SCN1A: variants seen among roughly 807,000 people sequenced by gnomAD.
SCN1A encodes sodium channel protein type 1 subunit alpha.
SCN1A carries 13 observed loss-of-function variants against 193.7 expected under a neutral mutation model. The observed-to-expected ratio is 0.07, with a 90% CI of 0.04 to 0.11. The LOEUF (loss-of-function observed/expected upper bound fraction) is 0.11, where lower values mean the gene tolerates loss of function less well. Among genes scored for constraint, SCN1A ranks in the 10% least tolerant of loss-of-function variants. The pLI is 1.00. For missense variants in SCN1A, 1,432 were observed against 2,451.1 expected, an observed-to-expected ratio of 0.58 and a Z score of 8.78; for synonymous variants, 781 against 843.6, an observed-to-expected ratio of 0.93 and a Z score of 1.29.
intron 4 of SCN1A, among the ~76,000 whole-genome samples, chr2:166,066,967 C>T (rs1233679217): frequency 6.6e-6 from 1 of 152,130 alleles, no homozygotes; most frequent in Non-Finnish European, 1.5e-5. Flanking sequence ...CTCTTCTTAC[C>T]TATTACAGGT....
At chr2:166,007,812 TAAATG>T (rs1691857095) in intron 23 of SCN1A, among the ~76,000 whole-genome samples, 2 of 151,340 alleles carry the variant, frequency 1.3e-5, no homozygotes, top group African/African-American at 4.8e-5. Flanking sequence ...GGCAAAGAAT[TAAATG>T]AGAGTTTCTG....
Position 165,996,155 on chromosome 2 carries a change from C to G in SCN1A, c.4477-38G>C, listed in dbSNP as rs201286095. 154 of 1,284,970 alleles carry G rather than the reference C, an allele frequency of 1.2e-4. No homozygotes were observed. The East Asian group carries it at 3.6e-3, about 30-fold the overall frequency. The allele number at this position is 1,284,970 out of a possible 1,614,324, so 79.6% of individuals were successfully genotyped here. ...AAAATCAAACTGGTTAAAACTGTGT[C>G]CTTTTGTACATTTTTTTCAATGTTA... is the stretch of plus-strand genomic sequence containing the variant. On this transcript the variant is annotated intron_variant, in intron 26 of 28. Coordinates refer to ENST00000674923, the MANE Select transcript of SCN1A (RefSeq NM_001165963.4).
chr2:166,005,535 T>C (rs955132489), intron 23 of SCN1A, among the ~76,000 whole-genome samples: 1 of 151,338 alleles, frequency 6.6e-6, no homozygotes, highest in African/African-American at 2.4e-5. Context: ...CAGAGAAAAG[T>C]TTTATTTTTT....
At chr2:166,061,892 A>G (rs1381108) in intron 4 of SCN1A, among the ~76,000 whole-genome samples, 30,287 of 144,290 alleles carry the variant, frequency 0.21, 3,515 homozygotes, top group East Asian at 0.41. Flanking sequence ...CCTTAGATGA[A>G]AACATTTACT....
chr2:166,110,519 C>A lies in SCN1A; in HGVS notation c.-142+16405G>T, dbSNP rs116109964. On this transcript the variant is annotated intron_variant, in intron 2 of 28. Transcript: ENST00000674923. ...CCTTGAGCCAAAGCCTAATTCAGAG[C>A]AAGGCTCTAACTCTCTTGAACTCTG... Among the ~76,000 whole-genome samples, 849 of 152,274 alleles carry A rather than the reference C, an allele frequency of 5.6e-3. 5 individuals are homozygous for A. The highest frequency in any genetic ancestry group is 0.02 in the African/African-American group (811 of 41,560).
At chr2:165,997,071 A>T (rs1690177923) in intron 26 of SCN1A, among the ~76,000 whole-genome samples, 1 of 151,342 alleles carries the variant, frequency 6.6e-6, no homozygotes, top group Non-Finnish European at 1.5e-5. Context: ...TGGGAGTTTG[A>T]GTAGTTATAT....
intron 19 of SCN1A, 99 bp downstream of exon 19, chr2:166,035,949 A>G: frequency 1.7e-6 from 2 of 1,180,512 alleles, no homozygotes; most frequent in Non-Finnish European, 2.4e-6. Context: ...AAAAAAAAAA[A>G]TCTTAAGTCA....
intron 2 of SCN1A, among the ~76,000 whole-genome samples, chr2:166,107,019 A>G (rs537177198): frequency 6.6e-6 from 1 of 152,280 alleles, no homozygotes; most frequent in South Asian, 2.1e-4. Flanking sequence ...ATCACAGACT[A>G]TACTTCTTAA....
chr2:166,020,901 A>G (rs1245080392), intron 19 of SCN1A, among the ~76,000 whole-genome samples: 1 of 152,196 alleles, frequency 6.6e-6, no homozygotes, highest in Non-Finnish European at 1.5e-5. Flanking sequence ...AGCACTCCAA[A>G]CAATGAACCC....
At chr2:166,010,982 A>G (rs1692365980) in intron 22 of SCN1A, among the ~76,000 whole-genome samples, 1 of 151,228 alleles carries the variant, frequency 6.6e-6, no homozygotes, top group African/African-American at 2.4e-5. Flanking sequence ...TTAAAGGGTT[A>G]AATTACATTT....
chr2:166,065,472 C>T (rs553090979), intron 4 of SCN1A, among the ~76,000 whole-genome samples: 3 of 152,166 alleles, frequency 2.0e-5, no homozygotes, highest in Non-Finnish European at 4.4e-5. Flanking sequence ...GTCTCACCTA[C>T]TTCCCTTCTC....
At chr2:166,107,930 C>A (rs1419797689) in intron 2 of SCN1A, among the ~76,000 whole-genome samples, 1 of 151,912 alleles carries the variant, frequency 6.6e-6, no homozygotes, top group African/African-American at 2.4e-5. Context: ...CATAAGTGGT[C>A]AAAAGAGAAC....
chr2:166,082,680 T>C (rs1257037100), intron 2 of SCN1A, among the ~76,000 whole-genome samples: 3 of 152,088 alleles, frequency 2.0e-5, no homozygotes, highest in African/African-American at 7.2e-5. Flanking sequence ...TTATGTTTTA[T>C]GTATTGCTAA....
At chr2:166,073,714 G>T in intron 3 of SCN1A, 44 bp from the exon 4 acceptor site, 2 of 1,305,376 alleles carry the variant, frequency 1.5e-6, no homozygotes, top group Non-Finnish European at 2.2e-6. Context: ...TGGACTAAGA[G>T]ATGTTAATAT....
chr2:166,067,149 G>A (rs1171151497), intron 4 of SCN1A, among the ~76,000 whole-genome samples: 1 of 151,994 alleles, frequency 6.6e-6, no homozygotes, highest in African/African-American at 2.4e-5. Flanking sequence ...TCACCCTACT[G>A]GAATTTAGTG....
intron 2 of SCN1A, among the ~76,000 whole-genome samples, chr2:166,087,902 T>C (rs1401712564): frequency 6.6e-6 from 1 of 152,226 alleles, no homozygotes; most frequent in Non-Finnish European, 1.5e-5. Flanking sequence ...GACTTTAGGC[T>C]TTAGTCTTCT....
chr2:165,991,126 G>A lies in SCN1A; in HGVS notation c.*119C>T. On this transcript the variant is annotated 3_prime_UTR_variant, in exon 29 of 29. Coordinates refer to ENST00000674923, the MANE Select transcript of SCN1A (RefSeq NM_001165963.4). Reference sequence around the variant, plus strand: ...TTATTGTAGGCACTGACCTTAAGGAGATTTGTGTAAAAACAGTCAGTTTGG... The same window carrying A: ...TTATTGTAGGCACTGACCTTAAGGAAATTTGTGTAAAAACAGTCAGTTTGG... 3 of 874,972 alleles carry A rather than the reference G, an allele frequency of 3.4e-6. No homozygotes were observed. The highest frequency in any genetic ancestry group is 3.5e-6 in the Non-Finnish European group (2 of 566,794). 54.2% of individuals were successfully genotyped at this position (874,972 alleles called of 1,614,324 possible).
intron 28 of SCN1A, 66 bp downstream of exon 28, chr2:165,994,080 C>G: frequency 8.1e-7 from 1 of 1,235,954 alleles, no homozygotes. Context: ...GATCTTGAAT[C>G]TAATCTTGAT....
At chr2:166,025,734 T>C (rs1694673558) in intron 19 of SCN1A, among the ~76,000 whole-genome samples, 1 of 152,152 alleles carries the variant, frequency 6.6e-6, no homozygotes, top group Non-Finnish European at 1.5e-5. Context: ...GCTACATTGA[T>C]AATTCACTAT....
Sources: allele counts gnomAD v4.1 joint callset (sites outside exome capture counted in the v4.1 genomes callset), GRCh38; gene constraint gnomAD v4.1.1; transcripts MANE v1.5; gene names NCBI Gene and HGNC (gene_info 2026-07-23, HGNC 2026-07-21).